BPHL: variants seen among roughly 807,000 people sequenced by gnomAD.
The protein encoded by BPHL is biphenyl hydrolase like, also known as serine hydrolase BPHL.
BPHL carries 27 observed loss-of-function variants against 31.2 expected under a neutral mutation model. The observed-to-expected ratio is 0.87, with a 90% CI of 0.64 to 1.19. The LOEUF (loss-of-function observed/expected upper bound fraction) is 1.19. Among genes scored for constraint, BPHL ranks in the 50% most tolerant of loss-of-function variants. BPHL has a pLI of 0.00. For missense variants in BPHL, 356 were observed against 375.7 expected, an observed-to-expected ratio of 0.95 and a Z score of 0.43; for synonymous variants, 150 against 146.8, an observed-to-expected ratio of 1.02 and a Z score of -0.16.
intron 3 of BPHL, 82 bp downstream of exon 3, chr6:3,127,490 T>G: frequency 8.1e-7 from 1 of 1,241,322 alleles, no homozygotes; most frequent in Non-Finnish European, 1.1e-6. Flanking sequence ...TGTTGTTATA[T>G]TTTTCTACAA....
Position 3,148,463 on chromosome 6 carries a change from C to T in BPHL, c.789-4025C>T, listed in dbSNP as rs377575334. Among the ~76,000 whole-genome samples, 31 of 152,372 alleles carry T rather than the reference C, an allele frequency of 2.0e-4. No individual in the cohort carries two copies. The South Asian group carries it at 6.0e-3, about 29-fold the overall frequency. Reference sequence around the variant, plus strand: ...ACCAGTGATAATGGTTCATTTTCAGCTCCATAGAAAAGTGAAGCCAGGTTC... The same window carrying T: ...ACCAGTGATAATGGTTCATTTTCAGTTCCATAGAAAAGTGAAGCCAGGTTC... On this transcript the variant is annotated intron_variant, in intron 6 of 6. Transcript: ENST00000380379.
At chr6:3,136,679 A>G (rs114539097) in intron 4 of BPHL, among the ~76,000 whole-genome samples, 190 of 152,294 alleles carry the variant, frequency 1.2e-3, no homozygotes, top group African/African-American at 4.4e-3. Context: ...AGCAATATTT[A>G]ATATGCTCAA....
chr6:3,152,750 G>T lies in BPHL; in HGVS notation c.*175G>T. ...GAAAACAGCCTCTAGCTTCAGGCTG[G>T]GCACGGTGGCTCACAGCTATAATCT... On this transcript the variant is annotated 3_prime_UTR_variant, in exon 7 of 7. Coordinates refer to ENST00000380379, the MANE Select transcript of BPHL (RefSeq NM_004332.4). 1 of 552,796 alleles carries T rather than the reference G, an allele frequency of 1.8e-6. No individual in the cohort carries two copies. The highest frequency in any genetic ancestry group is 2.5e-5 in the South Asian group (1 of 40,574). 34.2% of individuals were successfully genotyped at this position (552,796 alleles called of 1,614,324 possible).
chr6:3,129,524 T>A (rs1266163027), intron 4 of BPHL, among the ~76,000 whole-genome samples: 2 of 152,106 alleles, frequency 1.3e-5, no homozygotes, highest in African/African-American at 4.8e-5. Context: ...TAAAATACTG[T>A]GAGGCCAGGC....
chr6:3,146,540 C>G (rs1279169269), intron 6 of BPHL, among the ~76,000 whole-genome samples: 19 of 1,082 alleles, frequency 0.018, no homozygotes, highest in East Asian at 0.036. Context: ...TGGTTTGGGT[C>G]GAGTGCTGGT....
intron 3 of BPHL, among the ~76,000 whole-genome samples, chr6:3,128,653 C>T (rs1405301438): frequency 6.6e-6 from 1 of 152,220 alleles, no homozygotes; most frequent in Non-Finnish European, 1.5e-5. Flanking sequence ...AGCTCAGGGT[C>T]CCCTCTCTGA....
At chr6:3,126,412 T>G (rs913437148) in intron 2 of BPHL, among the ~76,000 whole-genome samples, 2 of 152,172 alleles carry the variant, frequency 1.3e-5, no homozygotes, top group Admixed American at 1.3e-4. Context: ...TTAATTTGTA[T>G]ACAGTTTCAT....
chr6:3,142,704 T>C (rs939479505), intron 6 of BPHL, among the ~76,000 whole-genome samples: 16 of 152,184 alleles, frequency 1.1e-4, no homozygotes, highest in Non-Finnish European at 2.2e-4. Flanking sequence ...CTGCCACTTA[T>C]CTCTTAATAT....
chr6:3,139,338 T>C (rs1762103595), intron 5 of BPHL: 1 of 152,230 alleles, frequency 6.6e-6, no homozygotes, highest in Non-Finnish European at 1.5e-5. Context: ...TGTGAAATTG[T>C]TTAAACAGTT....
chr6:3,150,434 T>C (rs1762490486), intron 6 of BPHL, among the ~76,000 whole-genome samples: 1 of 152,224 alleles, frequency 6.6e-6, no homozygotes, highest in South Asian at 2.1e-4. Context: ...ACCTTGGGGT[T>C]AGACAGCTTC....
chr6:3,132,451 C>T (rs539911191), intron 4 of BPHL, among the ~76,000 whole-genome samples: 12 of 152,302 alleles, frequency 7.9e-5, no homozygotes, highest in African/African-American at 2.6e-4. Context: ...CTCTTACCCT[C>T]ACACCTCACA....
At chr6:3,134,392 G>A (rs1761950971) in intron 4 of BPHL, among the ~76,000 whole-genome samples, 1 of 151,180 alleles carries the variant, frequency 6.6e-6, no homozygotes, top group Non-Finnish European at 1.5e-5. Flanking sequence ...GTAAGGAAAT[G>A]CCACAGTGTT....
At chr6:3,146,113 GA>G (rs1762343320) in intron 6 of BPHL, among the ~76,000 whole-genome samples, 1 of 61,780 alleles carries the variant, frequency 1.6e-5, no homozygotes, top group East Asian at 4.2e-4. Context: ...GTTCCGGTTG[GA>G]GTGCTGGTTC....
Position 3,123,712 on chromosome 6 carries a change from C to A in BPHL, c.163C>A (p.Gln55Lys), listed in dbSNP as rs750449469. The change falls in exon 2 of 7, where the codon CAG becomes AAG. Residue 55 changes from glutamine to lysine, a missense_variant. Physicochemically the swap from Gln to Lys is moderately conservative, Grantham distance 53 (BLOSUM62 1). Transcript: ENST00000380379. Reference sequence around the variant, plus strand: ...GAATGGCGTTCAGCTGCATTACCAGCAGACTGGAGAGGGAGATCACGCAGT... The same window carrying A: ...GAATGGCGTTCAGCTGCATTACCAGAAGACTGGAGAGGGAGATCACGCAGT... ...AVNGVQLHYQ[Q>K]TGEGDHAVLL... 2.5e-6 allele frequency: 4 copies of A among 1,613,706 alleles called. No homozygotes were observed. Among genetic ancestry groups the A allele is most frequent in the Non-Finnish European group, 2.5e-6 (3 of 1,179,816 alleles).
chr6:3,121,282 T>C (rs945184827), intron 1 of BPHL, among the ~76,000 whole-genome samples: 37 of 146,110 alleles, frequency 2.5e-4, no homozygotes, highest in African/African-American at 8.6e-4. Context: ...AATATGATAA[T>C]AGCAGTTTCT....
At chr6:3,133,759 C>T (rs976377248) in intron 4 of BPHL, among the ~76,000 whole-genome samples, 5 of 152,258 alleles carry the variant, frequency 3.3e-5, no homozygotes, top group African/African-American at 1.2e-4. Flanking sequence ...TGTGAGCACA[C>T]AGGCCACTCT....
In BPHL at chr6:3,140,618, C is replaced by A; in HGVS notation, c.788+109C>A. 6.7e-7 allele frequency: 1 copy of A among 1,498,622 alleles called. No homozygotes were observed. The highest frequency in any genetic ancestry group is 9.0e-7 in the Non-Finnish European group (1 of 1,109,906). The allele number at this position is 1,498,622 out of a possible 1,614,324, so 92.8% of individuals were successfully genotyped here. A position where few individuals can be genotyped will look rare whatever the true frequency, so the allele number is the denominator to read the frequency against. Reference sequence around the variant, plus strand: ...GAGTTGGAGTTTTAGAGTGCACAGCCCCCCTTTTGCCAATGCCAGTCAGTA... The same window carrying A: ...GAGTTGGAGTTTTAGAGTGCACAGCACCCCTTTTGCCAATGCCAGTCAGTA... On this transcript the variant is annotated intron_variant, in intron 6 of 6. Coordinates refer to ENST00000380379, the MANE Select transcript of BPHL (RefSeq NM_004332.4). This position sits in a 1 kb window ranked among gnomAD's most constrained non-coding sequence, Gnocchi z 5.2.
intron 4 of BPHL, among the ~76,000 whole-genome samples, chr6:3,134,438 CTTTTTTTTT>C (rs554446648): frequency 1.5e-5 from 2 of 132,580 alleles, no homozygotes; most frequent in Non-Finnish European, 3.2e-5. Context: ...CTTTTCTTTC[CTTTTTTTTT>C]TTTTTTTTTG....
intron 6 of BPHL, among the ~76,000 whole-genome samples, chr6:3,144,431 G>C (rs1762271206): frequency 1.4e-5 from 2 of 144,686 alleles, no homozygotes; most frequent in African/African-American, 5.3e-5. Flanking sequence ...TGTCATCCAG[G>C]CTGGAGTGCA....
Sources: gnomAD v4.1 joint callset for allele counts (sites outside exome capture counted in the v4.1 genomes callset) on GRCh38, gnomAD v4.1.1 for gene constraint, Gnocchi (gnomAD v3.1) non-coding constraint, MANE v1.5 for transcripts, NCBI Gene and HGNC (gene_info 2026-07-23, HGNC 2026-07-21) for gene names.